AFF2: variants seen among roughly 807,000 people sequenced by gnomAD.
AFF2 encodes AF4/FMR2 family member 2.
In AFF2, 14 loss-of-function variants were observed where a neutral mutation model predicts 76.9. That is an observed-to-expected ratio of 0.18 (90% CI 0.12 to 0.28). The LOEUF (loss-of-function observed/expected upper bound fraction) is 0.28, where lower values mean the gene tolerates loss of function less well. AFF2 is among the 10% of genes least tolerant of loss of function. The pLI is 1.00. For missense variants in AFF2, 868 were observed against 1,001.1 expected, an observed-to-expected ratio of 0.87 and a Z score of 1.79; for synonymous variants, 398 against 366.7, an observed-to-expected ratio of 1.09 and a Z score of -0.98.
intron 20 of AFF2, 40 bp from the exon 21 acceptor site, chrX:148,991,171 A>C (rs374012335): frequency 1.0e-5 from 12 of 1,144,581 alleles, no homozygotes; most frequent in Non-Finnish European, 1.4e-5. Flanking sequence ...TTTTCATGAT[A>C]TCATATAAAG....
rs1267231243 is a variant in AFF2 at position 148,996,292 on chromosome X, A to G, written c.*4960A>G. On this transcript the variant is annotated 3_prime_UTR_variant, in exon 21 of 21. Coordinates refer to ENST00000370460, the MANE Select transcript of AFF2 (RefSeq NM_002025.4). ...TTCTCATTTGGTCAGCCTAGCATGC[A>G]ACCAGTGGTGTGCTGGTAAAATGTT... 5 of 113,065 alleles carry G rather than the reference A, an allele frequency of 4.4e-5. No homozygotes were observed. Among genetic ancestry groups the G allele is most frequent in the Non-Finnish European group, 9.4e-5 (5 of 53,439 alleles). 9.3% of individuals were successfully genotyped at this position (113,065 alleles called of 1,213,427 possible).
At chrX:148,647,406 T>C (rs781792159) in intron 1 of AFF2, among the ~76,000 whole-genome samples, 3 of 112,013 alleles carry the variant, frequency 2.7e-5, no homozygotes, top group Non-Finnish European at 5.6e-5. Context: ...CAATGAGTAT[T>C]AGCTTCATGA....
chrX:148,965,963 C>G (rs966891740), intron 13 of AFF2, among the ~76,000 whole-genome samples: 3 of 111,593 alleles, frequency 2.7e-5, no homozygotes, highest in African/African-American at 6.5e-5. Flanking sequence ...GGCGGGAGGG[C>G]AGAGTCAGCC....
In AFF2 at chrX:148,941,756, A is replaced by G. The variant is rs73640617; in HGVS notation, c.1398-11824A>G. ...GAAGGGTTACAACAAATCCATCATC[A>G]TGCAACCTATTTGCCTGATTATTTT... On this transcript the variant is annotated intron_variant, in intron 9 of 20. Coordinates refer to ENST00000370460, the MANE Select transcript of AFF2 (RefSeq NM_002025.4). Among the ~76,000 whole-genome samples, 905 of 111,617 alleles carry G rather than the reference A, an allele frequency of 8.1e-3. 7 individuals are homozygous for G. The highest frequency in any genetic ancestry group is 0.028 in the African/African-American group (867 of 30,763).
rs781985387 is a variant in AFF2 at position 148,762,539 on chromosome X, T to A, written c.1042-47337T>A. ...AACATTTTCATTATGCATTCATTGATTCATGGCCATTTGAGCTGGTTCCAT... is the reference window on the plus strand; with the variant it reads ...AACATTTTCATTATGCATTCATTGAATCATGGCCATTTGAGCTGGTTCCAT... On this transcript the variant is annotated intron_variant, in intron 3 of 20. Coordinates refer to ENST00000370460, the MANE Select transcript of AFF2 (RefSeq NM_002025.4). 5.6e-5 allele frequency among the ~76,000 whole-genome samples: 6 copies of A among 107,554 alleles called. No homozygotes were observed. The South Asian group carries it at 2.5e-3, about 44-fold the overall frequency. 93.4% of individuals were successfully genotyped at this position (107,554 alleles called of 115,157 possible). A position where few individuals can be genotyped will look rare whatever the true frequency, so the allele number is the denominator to read the frequency against.
At chrX:148,799,105 A>T (rs1042810329) in intron 3 of AFF2, among the ~76,000 whole-genome samples, 2 of 111,905 alleles carry the variant, frequency 1.8e-5, no homozygotes, top group African/African-American at 6.5e-5. Flanking sequence ...TTTCTTGCCA[A>T]CAAGAAGTGT....
Position 148,993,180 on chromosome X carries a change from A to C in AFF2, c.*1848A>C, listed in dbSNP as rs1258886581. 8.9e-6 allele frequency: 1 copy of C among 112,828 alleles called. No individual in the cohort carries two copies. The highest frequency in any genetic ancestry group is 1.9e-5 in the Non-Finnish European group (1 of 53,353). 9.3% of individuals were successfully genotyped at this position (112,828 alleles called of 1,213,427 possible). On this transcript the variant is annotated 3_prime_UTR_variant, in exon 21 of 21. Transcript: ENST00000370460. ...TGAAGCCATGTTGTTAATATGGCTG[A>C]TGGGAGCATCCCTGCAGCTGAACCC...
At chrX:148,961,626 A>G (rs1305736359) in intron 12 of AFF2, among the ~76,000 whole-genome samples, 2 of 112,015 alleles carry the variant, frequency 1.8e-5, no homozygotes, top group Non-Finnish European at 3.8e-5. Flanking sequence ...AGGAGTCTGC[A>G]TTGACTTCTA....
At chrX:148,696,960 C>CTAGT in intron 3 of AFF2, among the ~76,000 whole-genome samples, 1 of 112,324 alleles carries the variant, frequency 8.9e-6, no homozygotes, top group African/African-American at 3.2e-5. Flanking sequence ...GCTCCCAACC[C>CTAGT]TGTTAATGCC....
chrX:148,507,893 A>C (rs2052438444), intron 1 of AFF2, among the ~76,000 whole-genome samples: 1 of 112,385 alleles, frequency 8.9e-6, no homozygotes, highest in African/African-American at 3.2e-5. Context: ...TATAGCTAGA[A>C]TGTGATTTTG....
At chrX:148,549,944 C>G (rs781943490) in intron 1 of AFF2, among the ~76,000 whole-genome samples, 1 of 111,908 alleles carries the variant, frequency 8.9e-6, no homozygotes, top group East Asian at 2.8e-4. Context: ...AAAGATTTCT[C>G]CCGCCCCATA....
intron 3 of AFF2, among the ~76,000 whole-genome samples, chrX:148,732,103 T>C (rs1412152700): frequency 1.5e-4 from 13 of 84,147 alleles, no homozygotes; most frequent in Non-Finnish European, 2.3e-4. Context: ...TAAATCATGC[T>C]GCTATAAAGA....
intron 3 of AFF2, among the ~76,000 whole-genome samples, chrX:148,698,229 T>A (rs1202489673): frequency 1.8e-5 from 2 of 112,702 alleles, no homozygotes; most frequent in South Asian, 3.6e-4. Context: ...TTAGTCTAAC[T>A]TTTGTTTATT....
At chrX:148,843,361 G>A (rs782642342) in intron 6 of AFF2, 21 bp from the exon 7 acceptor site, 2 of 1,183,512 alleles carry the variant, frequency 1.7e-6, no homozygotes, top group Non-Finnish European at 2.3e-6. Flanking sequence ...AACAGTAATT[G>A]TTTATATCTT....
intron 3 of AFF2, among the ~76,000 whole-genome samples, chrX:148,713,845 G>A (rs996303058): frequency 8.9e-6 from 1 of 111,808 alleles, no homozygotes; most frequent in Non-Finnish European, 1.9e-5. Flanking sequence ...TTTCCTAGTA[G>A]CATGTCTTGT....
chrX:148,546,565 A>C (rs1473429334), intron 1 of AFF2, among the ~76,000 whole-genome samples: 1 of 112,478 alleles, frequency 8.9e-6, no homozygotes, highest in African/African-American at 3.2e-5. Context: ...ACTGAATTTG[A>C]GACCCAGTGT....
At position 148,998,585 on chromosome X, in the gene AFF2, G is replaced by C. The variant is rs1271517259; in HGVS notation, c.*7253G>C. 8.9e-6 allele frequency: 1 copy of C among 111,762 alleles called. No individual in the cohort carries two copies. The highest frequency in any genetic ancestry group is 1.9e-5 in the Non-Finnish European group (1 of 53,099). 9.2% of individuals were successfully genotyped at this position (111,762 alleles called of 1,213,427 possible). On this transcript the variant is annotated 3_prime_UTR_variant, in exon 21 of 21. Transcript: ENST00000370460. ...GATACATAATTCTGGAGCAAGTGGA[G>C]TGGTTGCAGGCAGATGAGACAGTGT...
At chrX:148,596,189 T>C (rs1031999890) in intron 1 of AFF2, among the ~76,000 whole-genome samples, 7 of 111,898 alleles carry the variant, frequency 6.3e-5, no homozygotes, top group African/African-American at 2.3e-4. Flanking sequence ...GGAGATAAGA[T>C]ATATATACTC....
chrX:148,781,973 C>T (rs1389248398), intron 3 of AFF2, among the ~76,000 whole-genome samples: 8 of 110,966 alleles, frequency 7.2e-5, no homozygotes, highest in African/African-American at 9.8e-5. Flanking sequence ...CAGGATGAGG[C>T]GACGCCCCAT....
Sources: allele counts gnomAD v4.1 joint callset (sites outside exome capture counted in the v4.1 genomes callset), GRCh38; gene constraint gnomAD v4.1.1; transcripts MANE v1.5; gene names NCBI Gene and HGNC (gene_info 2026-07-23, HGNC 2026-07-21).